CAMTA1: variants seen among roughly 807,000 people sequenced by gnomAD.
CAMTA1 encodes calmodulin-binding transcription activator 1.
CAMTA1 carries 27 observed loss-of-function variants against 170.9 expected under a neutral mutation model. The ratio of observed to expected loss-of-function variants is 0.16; its 90% CI spans 0.12 to 0.22. The LOEUF (loss-of-function observed/expected upper bound fraction) is 0.22. Among genes scored for constraint, CAMTA1 ranks in the 10% least tolerant of loss-of-function variants. The probability of loss-of-function intolerance (pLI) is 1.00; values close to 1 mark genes in which losing one functional copy is unlikely to be tolerated. For synonymous variants in CAMTA1, 833 were observed against 891.5 expected (o/e 0.93, Z 1.17); for missense variants, 1,619 against 2,217.2 (o/e 0.73, Z 5.42).
At chr1:6,932,884 A>G (rs564108287) in intron 3 of CAMTA1, among the ~76,000 whole-genome samples, 5 of 152,198 alleles carry the variant, frequency 3.3e-5, no homozygotes, top group Non-Finnish European at 7.3e-5. Context: ...TATATTCTAG[A>G]TAAAGTTCTT....
chr1:7,601,439 C>T lies in CAMTA1; in HGVS notation c.511-38961C>T, dbSNP rs570494690. Among the ~76,000 whole-genome samples, 784 of 149,810 alleles carry T rather than the reference C, an allele frequency of 5.2e-3. 2 individuals are homozygous for T. The highest frequency in any genetic ancestry group is 8.8e-3 in the Non-Finnish European group (589 of 67,164). On this transcript the variant is annotated intron_variant, in intron 6 of 22. Transcript: ENST00000303635. ...AGATGGGATGGCGGCCGGGCAGAGA[C>T]GCTCCTCACTTTCCAGACTGGGCAG...
At chr1:7,398,187 CTCTCTCTATATATATATATATA>C (rs1484543101) in intron 5 of CAMTA1, among the ~76,000 whole-genome samples, 21 of 38,222 alleles carry the variant, frequency 5.5e-4, no homozygotes, top group African/African-American at 1.6e-3. Flanking sequence ...CTCTCTCTCT[CTCTCTCTATATATATATATATA>C]TATATATATA....
chr1:7,591,423 T>G (rs2095354427), intron 6 of CAMTA1, among the ~76,000 whole-genome samples: 1 of 152,254 alleles, frequency 6.6e-6, no homozygotes, highest in African/African-American at 2.4e-5. Flanking sequence ...AACAAGTTCT[T>G]GGATAAATTA....
At chr1:6,843,169 C>T (rs1300296597) in intron 3 of CAMTA1, among the ~76,000 whole-genome samples, 3 of 152,124 alleles carry the variant, frequency 2.0e-5, no homozygotes, top group African/African-American at 7.2e-5. Context: ...TTCTGAATAG[C>T]CTAATATGAC....
chr1:7,287,078 A>G (rs1362758025), intron 5 of CAMTA1, among the ~76,000 whole-genome samples: 3 of 152,190 alleles, frequency 2.0e-5, no homozygotes, highest in African/African-American at 7.2e-5. Flanking sequence ...AGCAACTGCA[A>G]CTTTTTTTGG....
At chr1:7,469,462 C>T (rs1192267764) in intron 6 of CAMTA1, among the ~76,000 whole-genome samples, 2 of 152,226 alleles carry the variant, frequency 1.3e-5, no homozygotes, top group Admixed American at 6.5e-5. Context: ...TCTGGCTTCC[C>T]AAGAAACACC....
At position 6,827,048 on chromosome 1, in the gene CAMTA1, T is replaced by A. The variant is rs533091023; in HGVS notation, c.234+1838T>A. On this transcript the variant is annotated intron_variant, in intron 3 of 22. Transcript: ENST00000303635. ...GAGATTAAAAGAAAAAAATGAGAAG[T>A]TTTTCCTTATTTTCTTTCTGGACCT... Among the ~76,000 whole-genome samples the A allele has an allele frequency of 3.3e-5, 5 of 152,264 alleles. No homozygotes were observed. In the South Asian group the frequency reaches 1.0e-3, roughly 32 times the overall value.
intron 4 of CAMTA1, among the ~76,000 whole-genome samples, chr1:7,133,424 C>T (rs543922429): frequency 1.3e-5 from 2 of 152,168 alleles, no homozygotes; most frequent in South Asian, 4.1e-4. Flanking sequence ...GTAGAATGTA[C>T]TCCCTCTCAT....
At chr1:6,958,619 TGA>T (rs1169668425) in intron 3 of CAMTA1, among the ~76,000 whole-genome samples, 1 of 152,170 alleles carries the variant, frequency 6.6e-6, no homozygotes, top group Admixed American at 6.5e-5. Context: ...TTGGGAAATT[TGA>T]ATGTGACGCA....
intron 6 of CAMTA1, among the ~76,000 whole-genome samples, chr1:7,468,407 A>G (rs963621869): frequency 6.6e-6 from 1 of 152,144 alleles, no homozygotes; most frequent in African/African-American, 2.4e-5. Flanking sequence ...GGGATGGAAC[A>G]GGTTGTGGCT....
intron 3 of CAMTA1, among the ~76,000 whole-genome samples, chr1:7,016,994 G>A (rs569964183): frequency 6.6e-6 from 1 of 152,230 alleles, no homozygotes; most frequent in South Asian, 2.1e-4. Context: ...CTCTTTTTCT[G>A]GTAAGTATTT....
intron 6 of CAMTA1, among the ~76,000 whole-genome samples, chr1:7,598,090 C>A (rs965605926): frequency 5.3e-5 from 8 of 150,822 alleles, no homozygotes; most frequent in African/African-American, 2.0e-4. Flanking sequence ...CCCCCCTCCC[C>A]CAACCCCACA....
intron 3 of CAMTA1, among the ~76,000 whole-genome samples, chr1:7,039,798 C>T (rs1304052266): frequency 6.6e-6 from 1 of 152,040 alleles, no homozygotes; most frequent in African/African-American, 2.4e-5. Context: ...AATGGGTAAC[C>T]TATAGGGGAG....
At chr1:7,181,615 G>T (rs1028592477) in intron 4 of CAMTA1, among the ~76,000 whole-genome samples, 1 of 152,068 alleles carries the variant, frequency 6.6e-6, no homozygotes, top group African/African-American at 2.4e-5. Flanking sequence ...GTTTGAGGAC[G>T]CAATAGCAAC....
chr1:7,506,124 C>A (rs753732297), intron 6 of CAMTA1, among the ~76,000 whole-genome samples: 1 of 152,130 alleles, frequency 6.6e-6, no homozygotes, highest in Non-Finnish European at 1.5e-5. Context: ...GAACAGACCA[C>A]CCCCACCCTC....
chr1:7,679,577 C>G (rs2096164377), intron 11 of CAMTA1, among the ~76,000 whole-genome samples: 2 of 98,102 alleles, frequency 2.0e-5, no homozygotes, highest in Admixed American at 9.3e-5. Context: ...CCCTAGCTGC[C>G]CCCCCCCCCA....
At chr1:7,450,588 C>G (rs935002069) in intron 5 of CAMTA1, among the ~76,000 whole-genome samples, 1 of 152,236 alleles carries the variant, frequency 6.6e-6, no homozygotes, top group East Asian at 1.9e-4. Flanking sequence ...ACCGCCTGCC[C>G]GCTCTGCCTG....
At chr1:6,871,692 C>A in intron 3 of CAMTA1, 5 of 1,401,124 alleles carry the variant, frequency 3.6e-6, no homozygotes, top group Non-Finnish European at 4.9e-6. Flanking sequence ...GGAATCTTTT[C>A]AAGAGCTTGA....
chr1:7,443,877 G>C lies in CAMTA1; in HGVS notation c.439-23953G>C, dbSNP rs2149423320. On this transcript the variant is annotated intron_variant, in intron 5 of 22. Transcript: ENST00000303635. This position sits in a 1 kb window ranked among gnomAD's most constrained non-coding sequence, Gnocchi z 4.1. ...CCAGCTGAGCAGGCCAGAGGGAGGA[G>C]GCACAGCCTCTCACCCATGCCTCTG... 6.6e-6 allele frequency among the ~76,000 whole-genome samples: 1 copy of C among 152,276 alleles called. No homozygotes were observed. The highest frequency in any genetic ancestry group is 2.4e-5 in the African/African-American group (1 of 41,546).
Sources: allele counts gnomAD v4.1 joint callset (sites outside exome capture counted in the v4.1 genomes callset), GRCh38; gene constraint gnomAD v4.1.1; non-coding constraint Gnocchi (gnomAD v3.1); transcripts MANE v1.5; gene names NCBI Gene and HGNC (gene_info 2026-07-23, HGNC 2026-07-21).